TMEM132B: variants seen among roughly 807,000 people sequenced by gnomAD.
TMEM132B encodes the protein transmembrane protein 132B.
In TMEM132B, 18 loss-of-function variants were observed where a neutral mutation model predicts 90.8. The observed-to-expected ratio is 0.20, with a 90% CI of 0.14 to 0.29. TMEM132B has a LOEUF of 0.29. TMEM132B is among the 10% of genes least tolerant of loss of function. TMEM132B has a pLI of 1.00. For synonymous variants in TMEM132B, 504 were observed against 523.3 expected, an observed-to-expected ratio of 0.96 and a Z score of 0.50; for missense variants, 1,096 against 1,326.8, an observed-to-expected ratio of 0.83 and a Z score of 2.70.
chr12:125,245,260 G>GC lies in TMEM132B; in HGVS notation c.67+58401dup, dbSNP rs549164086. Among the ~76,000 whole-genome samples the GC allele has an allele frequency of 5.4e-3, 808 of 148,436 alleles. 5 individuals carry two copies. The highest frequency in any genetic ancestry group is 9.2e-3 in the Non-Finnish European group (621 of 67,324). On this transcript the variant is annotated intron_variant, in intron 1 of 8. Coordinates refer to ENST00000682704, the MANE Select transcript of TMEM132B (RefSeq NM_001366854.1). Reference sequence around the variant, plus strand: ...GAAGAACCTTTCCTTGTTCCCAGATGCCCCCCCAGGCAGCCCCCCACTGCA... The same window carrying GC: ...GAAGAACCTTTCCTTGTTCCCAGATGCCCCCCCCAGGCAGCCCCCCACTGCA...
At position 125,385,436 on chromosome 12, in the gene TMEM132B, C is replaced by G. The variant is rs571830120; in HGVS notation, c.960-30095C>G. ...CTTTGTTTCACATCGTGCCAAGGAGCTTGGCAGCTGGAGGCTGCCTTGTGG... is the reference window on the plus strand; with the variant it reads ...CTTTGTTTCACATCGTGCCAAGGAGGTTGGCAGCTGGAGGCTGCCTTGTGG... On this transcript the variant is annotated intron_variant, in intron 2 of 8. Transcript: ENST00000682704. Among the ~76,000 whole-genome samples, 5 of 152,274 alleles carry G rather than the reference C, an allele frequency of 3.3e-5. No homozygotes were observed. The South Asian group carries it at 1.0e-3, about 32-fold the overall frequency.
At chr12:125,533,774 A>G (rs1215442102) in intron 4 of TMEM132B, among the ~76,000 whole-genome samples, 1 of 152,230 alleles carries the variant, frequency 6.6e-6, no homozygotes, top group Non-Finnish European at 1.5e-5. Flanking sequence ...GTGTGAGCAA[A>G]TAAAGGCTCC....
chr12:125,652,358 G>A (rs1593047494), intron 7 of TMEM132B, 83 bp from the exon 8 acceptor site: 14 of 1,353,284 alleles, frequency 1.0e-5, no homozygotes, highest in Non-Finnish European at 1.4e-5. Flanking sequence ...GGCTGGGAGA[G>A]CACTTTGTTG....
intron 3 of TMEM132B, among the ~76,000 whole-genome samples, chr12:125,424,192 C>G (rs779355630): frequency 4.6e-5 from 7 of 151,712 alleles, no homozygotes; most frequent in Non-Finnish European, 8.8e-5. Flanking sequence ...AATATTTTTT[C>G]TTTTGAAGCA....
intron 1 of TMEM132B, among the ~76,000 whole-genome samples, chr12:125,270,041 A>C (rs1874791806): frequency 6.6e-6 from 1 of 151,700 alleles, no homozygotes; most frequent in Admixed American, 6.6e-5. Context: ...AAAAAAAAAA[A>C]ACGCTACACT....
chr12:125,309,242 T>C (rs963666183), intron 1 of TMEM132B, among the ~76,000 whole-genome samples: 3 of 152,252 alleles, frequency 2.0e-5, no homozygotes, highest in Non-Finnish European at 4.4e-5. Flanking sequence ...ATGCTCTTTA[T>C]CTTTTCATAG....
chr12:125,540,057 A>AT (rs1171769624), intron 4 of TMEM132B, among the ~76,000 whole-genome samples: 1 of 151,692 alleles, frequency 6.6e-6, no homozygotes, highest in African/African-American at 2.4e-5. Flanking sequence ...TTTGCTTTTG[A>AT]TTTTTTTCTT....
chr12:125,545,612 T>C (rs192959307), intron 4 of TMEM132B, among the ~76,000 whole-genome samples: 1 of 152,354 alleles, frequency 6.6e-6, no homozygotes, highest in East Asian at 1.9e-4. Context: ...TGTCACTGTG[T>C]ACAGTGTGAC....
chr12:125,209,913 C>T lies in TMEM132B; in HGVS notation c.67+23047C>T, dbSNP rs138919292. On this transcript the variant is annotated intron_variant, in intron 1 of 8. Coordinates refer to ENST00000682704, the MANE Select transcript of TMEM132B (RefSeq NM_001366854.1). This position sits in a 1 kb window ranked among gnomAD's most constrained non-coding sequence, Gnocchi z 4.4. Reference sequence around the variant, plus strand: ...GTCTTCCTCGCCTTGTCCTGTGAGTCTCGTAGGTGCCTGCTCATTCGCTTG... The same window carrying T: ...GTCTTCCTCGCCTTGTCCTGTGAGTTTCGTAGGTGCCTGCTCATTCGCTTG... 6.6e-6 allele frequency among the ~76,000 whole-genome samples: 1 copy of T among 152,276 alleles called. No homozygotes were observed. The highest frequency in any genetic ancestry group is 2.4e-5 in the African/African-American group (1 of 41,550).
intron 3 of TMEM132B, among the ~76,000 whole-genome samples, chr12:125,452,000 C>T (rs1207481608): frequency 6.6e-6 from 1 of 152,206 alleles, no homozygotes; most frequent in African/African-American, 2.4e-5. Flanking sequence ...TGTGAGGCTT[C>T]TTCCACTTTG....
intron 3 of TMEM132B, among the ~76,000 whole-genome samples, chr12:125,447,799 C>T (rs537581029): frequency 9.5e-4 from 145 of 152,296 alleles, no homozygotes; most frequent in African/African-American, 3.5e-3. Flanking sequence ...TATTTTCTCT[C>T]AGCACTTTGA....
chr12:125,319,255 G>A (rs1876364584), intron 1 of TMEM132B, among the ~76,000 whole-genome samples: 1 of 152,214 alleles, frequency 6.6e-6, no homozygotes, highest in African/African-American at 2.4e-5. Flanking sequence ...CGGTGGCAGT[G>A]TACTATGCAC....
chr12:125,450,325 A>T (rs1001426152), intron 3 of TMEM132B, among the ~76,000 whole-genome samples: 8 of 152,224 alleles, frequency 5.3e-5, no homozygotes, highest in African/African-American at 1.9e-4. Flanking sequence ...GATAAAAAAA[A>T]TGATGATGGC....
At chr12:125,609,394 C>T (rs542932963) in intron 5 of TMEM132B, among the ~76,000 whole-genome samples, 16 of 152,084 alleles carry the variant, frequency 1.1e-4, no homozygotes, top group African/African-American at 2.7e-4. Context: ...ATTCTGGGTC[C>T]GCTGCATTTC....
rs1887088862 is a variant in TMEM132B at position 125,657,298 on chromosome 12, C to T, written c.*2588C>T. 1 of 151,818 alleles carries T rather than the reference C, an allele frequency of 6.6e-6. No homozygotes were observed. Among genetic ancestry groups the T allele is most frequent in the Non-Finnish European group, 1.5e-5 (1 of 68,022 alleles). The allele number at this position is 151,818 out of a possible 1,614,324, so 9.4% of individuals were successfully genotyped here. ...AGGGTTCCTTCCACCATATAACCCA[C>T]ACCCAGATGTATATAAACGCATATA... On this transcript the variant is annotated 3_prime_UTR_variant, in exon 9 of 9. Transcript: ENST00000682704.
chr12:125,440,577 T>C (rs1880842216), intron 3 of TMEM132B, among the ~76,000 whole-genome samples: 1 of 152,186 alleles, frequency 6.6e-6, no homozygotes, highest in Admixed American at 6.5e-5. Context: ...ATCTCCCCCC[T>C]GATTAAACAG....
intron 1 of TMEM132B, among the ~76,000 whole-genome samples, chr12:125,226,286 C>T (rs1477852253): frequency 5.3e-5 from 8 of 152,218 alleles, no homozygotes; most frequent in Non-Finnish European, 1.0e-4. Context: ...GCCCCAGCTC[C>T]ACCTTGGCCC....
At chr12:125,419,436 C>G (rs1221073405) in intron 3 of TMEM132B, among the ~76,000 whole-genome samples, 1 of 152,182 alleles carries the variant, frequency 6.6e-6, no homozygotes, top group Non-Finnish European at 1.5e-5. Flanking sequence ...AGTAAGAGAG[C>G]TTGTGTAGGG....
In TMEM132B at chr12:125,427,777, C is replaced by T. The variant is rs184274728; in HGVS notation, c.1106+12100C>T. On this transcript the variant is annotated intron_variant, in intron 3 of 8. Transcript: ENST00000682704. ...TCCAAGTGGCATTGAGATTCCAACACGACCTTTCTTACCAAGTGCAGATGT... is the reference window on the plus strand; with the variant it reads ...TCCAAGTGGCATTGAGATTCCAACATGACCTTTCTTACCAAGTGCAGATGT... 8.5e-5 allele frequency among the ~76,000 whole-genome samples: 13 copies of T among 152,304 alleles called. 1 individual carries two copies. Among genetic ancestry groups the T allele is most frequent in the South Asian group, 2.1e-4 (1 of 4,824 alleles).
Sources: gnomAD v4.1 joint callset for allele counts (sites outside exome capture counted in the v4.1 genomes callset) on GRCh38, gnomAD v4.1.1 for gene constraint, Gnocchi (gnomAD v3.1) non-coding constraint, MANE v1.5 for transcripts, NCBI Gene and HGNC (gene_info 2026-07-23, HGNC 2026-07-21) for gene names.